ABCC6: variants seen among roughly 807,000 people sequenced by gnomAD.
ABCC6 encodes ATP-binding cassette sub-family C member 6.
A neutral mutation model predicts 169.5 loss-of-function variants in ABCC6; 126 were observed. The observed-to-expected ratio is 0.74, with a 90% confidence interval of 0.64 to 0.86. ABCC6 has a LOEUF of 0.86. ABCC6 is among the 40% of genes least tolerant of loss of function. The probability of loss-of-function intolerance (pLI) is 0.00; values close to 1 mark genes in which losing one functional copy is unlikely to be tolerated. For missense variants in ABCC6, 1,733 were observed against 1,927.2 expected, an observed-to-expected ratio of 0.90 and a Z score of 1.89; for synonymous variants, 752 against 814.7, an observed-to-expected ratio of 0.92 and a Z score of 1.31.
chr16:16,151,064 C>T (rs1163997819), intron 29 of ABCC6, among the ~76,000 whole-genome samples: 4 of 151,850 alleles, frequency 2.6e-5, no homozygotes, highest in East Asian at 1.9e-4. Flanking sequence ...TTTTCTTCTT[C>T]GTTTTTCTTT....
In ABCC6 at chr16:16,165,834, G is replaced by A. The variant is rs967636977; in HGVS notation, c.3095C>T (p.Pro1032Leu). The A allele has an allele frequency of 1.9e-6, 3 of 1,613,480 alleles. No homozygotes were observed. Among genetic ancestry groups the A allele is most frequent in the African/African-American group, 2.7e-5 (2 of 75,056 alleles). Residue 1032 changes from proline (P) to leucine (L), a missense_variant, in exon 23 of 31, where the codon CCC (proline) becomes CTC (leucine). By Grantham distance (98) the Pro-to-Leu change is moderately conservative. This residue lies in a region of ABCC6 where 1,601 missense variants were observed against 1,635.5 expected (regional missense o/e 0.98). Coordinates refer to ENST00000205557, the MANE Select transcript of ABCC6 (RefSeq NM_001171.6). ...GGGTGTCCGCTCAAAGAAGCTGATGGGAGATCGCACCACATCCCACAGGAG... is the reference window on the plus strand; with the variant it reads ...GGGTGTCCGCTCAAAGAAGCTGATGAGAGATCGCACCACATCCCACAGGAG... ...QRLLWDVVRSPISFFERTPIG... is the reference protein window; with the variant it reads ...QRLLWDVVRSLISFFERTPIG...
intron 7 of ABCC6, among the ~76,000 whole-genome samples, chr16:16,206,974 T>TA (rs1193486490): frequency 2.0e-5 from 3 of 152,006 alleles, no homozygotes; most frequent in African/African-American, 7.3e-5. Flanking sequence ...CTGTCTCTAC[T>TA]AAAAAAAATT....
intron 9 of ABCC6, among the ~76,000 whole-genome samples, chr16:16,201,323 T>C (rs1185658405): frequency 3.3e-5 from 5 of 152,182 alleles, no homozygotes; most frequent in Admixed American, 3.3e-4. Context: ...ACAGGCCACC[T>C]TATCAGAAGG....
intron 6 of ABCC6, among the ~76,000 whole-genome samples, chr16:16,209,776 T>G (rs888729982): frequency 5.9e-5 from 9 of 151,960 alleles, no homozygotes; most frequent in African/African-American, 2.2e-4. Flanking sequence ...AATTTTTGTG[T>G]TTTTGGATGG....
Position 16,180,957 on chromosome 16 carries a change from A to G in ABCC6, c.2247+1455T>C, listed in dbSNP as rs541217234. 8.5e-5 allele frequency among the ~76,000 whole-genome samples: 13 copies of G among 152,318 alleles called. No individual in the cohort carries two copies. In the East Asian group the frequency reaches 1.3e-3, roughly 16 times the overall value. On this transcript the variant is annotated intron_variant, in intron 17 of 30. Coordinates refer to ENST00000205557, the MANE Select transcript of ABCC6 (RefSeq NM_001171.6). ...AGGGGACAGAGACAGGCAATCCATAAACAAGTAAGGCAGACAGCACATCAG... is the reference window on the plus strand; with the variant it reads ...AGGGGACAGAGACAGGCAATCCATAGACAAGTAAGGCAGACAGCACATCAG...
chr16:16,213,146 G>GCA (rs987302946), intron 5 of ABCC6, among the ~76,000 whole-genome samples: 1 of 149,340 alleles, frequency 6.7e-6, no homozygotes, highest in African/African-American at 2.5e-5. Flanking sequence ...GTGCAATGGT[G>GCA]CAATCATAGC....
intron 10 of ABCC6, among the ~76,000 whole-genome samples, chr16:16,194,494 C>G (rs143903308): frequency 2.4e-4 from 36 of 152,264 alleles, no homozygotes; most frequent in African/African-American, 7.5e-4. Context: ...TATCTTCCCC[C>G]TCTCGGCTTT....
rs764038301 is a variant in ABCC6, at chr16:16,150,250, G to T, written c.4404-9C>A. 1.2e-6 allele frequency: 2 copies of T among 1,613,914 alleles called. No homozygotes were observed. Among genetic ancestry groups the T allele is most frequent in the South Asian group, 2.2e-5 (2 of 91,080 alleles). On this transcript the variant is annotated splice_polypyrimidine_tract_variant and intron_variant, in intron 30 of 30. Coordinates refer to ENST00000205557, the MANE Select transcript of ABCC6 (RefSeq NM_001171.6). ...TGTCCATGACCAGAACCCTGTGGGG[G>T]AGAGGGAGACAGAGAGGCTCTTTGG...
chr16:16,159,116 A>G (rs2046634268), intron 26 of ABCC6, among the ~76,000 whole-genome samples: 1 of 152,074 alleles, frequency 6.6e-6, no homozygotes, highest in Non-Finnish European at 1.5e-5. Context: ...TTACTGTTAC[A>G]TTGCTGTTGC....
chr16:16,197,752 G>A (rs1462639117), intron 10 of ABCC6, among the ~76,000 whole-genome samples: 1 of 146,918 alleles, frequency 6.8e-6, no homozygotes, highest in Admixed American at 6.8e-5. Flanking sequence ...GGCAGAGGGA[G>A]AGGGGAGGAA....
At position 16,154,741 on chromosome 16, in the gene ABCC6, C is replaced by T. The variant is rs771581942; in HGVS notation, c.4095G>A (p.Glu1365=). The part of the protein sequence containing the change: ...SLRMNLDLLQ[E]HSDEAIWAAL... Reference sequence around the variant, plus strand: ...CTGCCCAGATAGCCTCGTCCGAGTGCTCCTGCAGCAGGTCGAGGTTCATCC... The same window carrying T: ...CTGCCCAGATAGCCTCGTCCGAGTGTTCCTGCAGCAGGTCGAGGTTCATCC... Residue 1365 remains glutamate (E), a synonymous_variant, in exon 29 of 31, where the codon GAG becomes GAA. Coordinates refer to ENST00000205557, the MANE Select transcript of ABCC6 (RefSeq NM_001171.6). The T allele has an allele frequency of 3.6e-5, 58 of 1,613,132 alleles. No individual in the cohort carries two copies. The highest frequency in any genetic ancestry group is 4.7e-5 in the Non-Finnish European group (55 of 1,179,772).
Position 16,174,742 on chromosome 16 carries a change from G to A in ABCC6, c.2666+1169C>T, listed in dbSNP as rs532837029. On this transcript the variant is annotated intron_variant, in intron 20 of 30. Coordinates refer to ENST00000205557, the MANE Select transcript of ABCC6 (RefSeq NM_001171.6). ...ATTGCACTCCAGCCTGGGCGACAGA[G>A]CAAGATTCTGTCTCAAAACCCCCCC... 2.4e-5 allele frequency among the ~76,000 whole-genome samples: 3 copies of A among 125,270 alleles called. No homozygotes were observed. The Admixed American group carries it at 2.8e-4, about 12-fold the overall frequency. The allele number at this position is 125,270 out of a possible 152,430, so 82.2% of individuals were successfully genotyped here. A position where few individuals can be genotyped will look rare whatever the true frequency, so the allele number is the denominator to read the frequency against.
At chr16:16,155,119 G>T in intron 27 of ABCC6, 88 bp from the exon 28 acceptor site, 1 of 1,450,268 alleles carries the variant, frequency 6.9e-7, no homozygotes, top group Non-Finnish European at 9.3e-7. Context: ...CCCGAGATCT[G>T]TCTATCCATC....
chr16:16,208,706 T>C lies in ABCC6; in HGVS notation c.794+22A>G. The C allele has an allele frequency of 1.9e-6, 3 of 1,613,504 alleles. No individual in the cohort carries two copies. In the South Asian group the frequency reaches 3.3e-5, roughly 18 times the overall value. On this transcript the variant is annotated intron_variant, in intron 7 of 30. Transcript: ENST00000205557. The stretch of plus-strand genomic sequence containing the variant: ...CTTTTCTGAAGTAGCATCAGGTGAG[T>C]TCTTGACCTCCACCCACTTACCTCC...
intron 12 of ABCC6, among the ~76,000 whole-genome samples, chr16:16,189,349 G>A (rs2047762866): frequency 6.6e-6 from 1 of 151,970 alleles, no homozygotes; most frequent in South Asian, 2.1e-4. Flanking sequence ...AGAGTCCCTT[G>A]GAAGATGACT....
intron 7 of ABCC6, among the ~76,000 whole-genome samples, chr16:16,204,610 AG>A (rs1202021188): frequency 6.6e-6 from 1 of 152,006 alleles, no homozygotes. Flanking sequence ...GAGGGAGAGG[AG>A]GAGATGGGGG....
rs1567511339 is a variant in ABCC6 at position 16,188,929 on chromosome 16, C to T, written c.1681G>A (p.Ala561Thr). Residue 561 changes from alanine to threonine, a missense_variant, in exon 13 of 31, where the codon GCT (alanine) becomes ACT (threonine). Ala to Thr is a moderately conservative substitution (Grantham distance 58). Around this residue, in one of 5 missense-constraint regions of ABCC6, gnomAD observed 1,601 missense variants for 1,635.5 expected, o/e 0.98. Coordinates refer to ENST00000205557, the MANE Select transcript of ABCC6 (RefSeq NM_001171.6). ...ACAAAGGCTTTCTCTGCATTCATAG[C>T]ATTCTCGGCCACCAGAGTGTGGACA... ...FAVHTLVAEN[A>T]MNAEKAFVTL... 1 of 1,614,120 alleles carries T rather than the reference C, an allele frequency of 6.2e-7. No individual in the cohort carries two copies.
chr16:16,179,035 G>A, intron 17 of ABCC6, 70 bp from the exon 18 acceptor site: 1 of 1,525,530 alleles, frequency 6.6e-7, no homozygotes, highest in South Asian at 1.2e-5. Flanking sequence ...CCAGGCTGTG[G>A]CAGGTCAGGG....
At chr16:16,186,692 C>T (rs1169066918) in intron 14 of ABCC6, among the ~76,000 whole-genome samples, 3 of 149,972 alleles carry the variant, frequency 2.0e-5, no homozygotes, top group South Asian at 2.1e-4. Context: ...ACTGGTTCTA[C>T]GTTATGGTGA....
Sources: allele counts gnomAD v4.1 joint callset (sites outside exome capture counted in the v4.1 genomes callset), GRCh38; gene constraint gnomAD v4.1.1; regional missense constraint gnomAD v4.1.1; transcripts MANE v1.5; gene names NCBI Gene and HGNC (gene_info 2026-07-23, HGNC 2026-07-21).